Variants in CHKA observed in about 807,000 individuals in gnomAD.
CHKA encodes the protein choline kinase alpha.
CHKA carries 34 observed loss-of-function variants against 60.1 expected under a neutral mutation model. That is an observed-to-expected ratio of 0.57 (90% CI 0.43 to 0.75). The LOEUF (loss-of-function observed/expected upper bound fraction) is 0.75, where lower values mean the gene tolerates loss of function less well. Among genes scored for constraint, CHKA ranks in the 30% least tolerant of loss-of-function variants. CHKA has a pLI of 0.00. For missense variants in CHKA, 563 were observed against 561.3 expected, an observed-to-expected ratio of 1.00 and a Z score of -0.03; for synonymous variants, 217 against 223.1, an observed-to-expected ratio of 0.97 and a Z score of 0.24.
intron 1 of CHKA, among the ~76,000 whole-genome samples, chr11:68,114,091 T>C (rs57311199): frequency 0.034 from 5,221 of 152,056 alleles, 297 homozygotes; most frequent in African/African-American, 0.12. Flanking sequence ...AGTAAGGACA[T>C]AGAATAACAG....
intron 3 of CHKA, 65 bp from the exon 4 acceptor site, chr11:68,074,895 A>T (rs1345617194): frequency 2.0e-6 from 3 of 1,468,920 alleles, no homozygotes; most frequent in Admixed American, 1.8e-5. Flanking sequence ...CATCAGAAGC[A>T]CTCTCACAGG....
intron 3 of CHKA, among the ~76,000 whole-genome samples, chr11:68,076,515 C>T (rs980200244): frequency 6.6e-6 from 1 of 152,086 alleles, no homozygotes; most frequent in African/African-American, 2.4e-5. Flanking sequence ...ACATTATGCT[C>T]CCCTGCTCCC....
intron 1 of CHKA, among the ~76,000 whole-genome samples, chr11:68,115,026 G>A (rs536686369): frequency 1.6e-4 from 24 of 152,270 alleles, no homozygotes; most frequent in African/African-American, 4.1e-4. Flanking sequence ...TATGTATTCG[G>A]AAGAAACCAT....
intron 2 of CHKA, among the ~76,000 whole-genome samples, chr11:68,088,173 T>G (rs1857245394): frequency 6.6e-6 from 1 of 151,620 alleles, no homozygotes; most frequent in South Asian, 2.1e-4. Flanking sequence ...TTCCTCAGTT[T>G]CTAGGATATG....
intron 3 of CHKA, among the ~76,000 whole-genome samples, chr11:68,076,146 G>A (rs1259600878): frequency 3.9e-5 from 6 of 152,236 alleles, no homozygotes; most frequent in South Asian, 2.1e-4. Context: ...CACAATTATC[G>A]TCTACAACCA....
At chr11:68,100,279 A>G (rs1052101067) in intron 1 of CHKA, among the ~76,000 whole-genome samples, 9 of 152,330 alleles carry the variant, frequency 5.9e-5, no homozygotes, top group East Asian at 1.9e-4. Flanking sequence ...TAATAGCTTT[A>G]TAAGTCATAA....
At chr11:68,103,628 C>T (rs1857805048) in intron 1 of CHKA, among the ~76,000 whole-genome samples, 2 of 151,738 alleles carry the variant, frequency 1.3e-5, no homozygotes, top group Admixed American at 1.3e-4. Context: ...AAAAAAAATC[C>T]AGGCTTGGTG....
chr11:68,078,072 A>G (rs928334021), intron 3 of CHKA, among the ~76,000 whole-genome samples: 2 of 152,186 alleles, frequency 1.3e-5, no homozygotes, highest in Non-Finnish European at 2.9e-5. Context: ...AAGAGGAGGA[A>G]CCAGCACAGG....
chr11:68,095,772 T>C (rs1163425930), intron 2 of CHKA, among the ~76,000 whole-genome samples: 3 of 137,530 alleles, frequency 2.2e-5, no homozygotes, highest in African/African-American at 8.2e-5. Context: ...CCAGGCGTGG[T>C]GGCTCACACC....
intron 11 of CHKA, among the ~76,000 whole-genome samples, chr11:68,057,599 G>A (rs957988033): frequency 1.3e-5 from 2 of 152,124 alleles, no homozygotes; most frequent in Non-Finnish European, 2.9e-5. Flanking sequence ...GATTACAGGC[G>A]TGAGCCACCG....
Position 68,066,437 on chromosome 11 carries a change from G to C in CHKA, c.1008C>G (p.Tyr336Ter). 6.2e-7 allele frequency: 1 copy of C among 1,611,472 alleles called. No individual in the cohort carries two copies. The highest frequency in any genetic ancestry group is 1.3e-5 in the African/African-American group (1 of 74,990). ...LMLIDFEYSS[Y>*]NYRGFDIGNH... Reference sequence around the variant, plus strand: ...GGACTGTAACACAGTACCTGTAATTGTAACTGCTGTATTCGAAATCAATGA... The same window carrying C: ...GGACTGTAACACAGTACCTGTAATTCTAACTGCTGTATTCGAAATCAATGA... Residue 336 changes from tyrosine to a stop codon, truncating the protein, a stop_gained, in exon 8 of 12, where the codon TAC becomes TAG. Coordinates refer to ENST00000265689, the MANE Select transcript of CHKA (RefSeq NM_001277.3). LOFTEE classifies it high-confidence loss of function.
chr11:68,067,224 T>A (rs1377644428), intron 7 of CHKA, among the ~76,000 whole-genome samples: 1 of 152,192 alleles, frequency 6.6e-6, no homozygotes, highest in Non-Finnish European at 1.5e-5. Flanking sequence ...TTTCAGCAGC[T>A]CTCTCTCCTT....
chr11:68,058,448 C>G (rs898334927), intron 11 of CHKA, among the ~76,000 whole-genome samples: 4 of 152,204 alleles, frequency 2.6e-5, no homozygotes, highest in African/African-American at 9.7e-5. Context: ...GGCTTCCATC[C>G]ATCAAGGTGG....
chr11:68,069,210 TAGAC>T (rs1280006002), intron 6 of CHKA, among the ~76,000 whole-genome samples: 4 of 152,264 alleles, frequency 2.6e-5, no homozygotes, highest in Admixed American at 1.3e-4. Context: ...AGCACCCCCT[TAGAC>T]AGCCCTTCTC....
At chr11:68,085,596 T>C (rs1311242997) in intron 2 of CHKA, among the ~76,000 whole-genome samples, 4 of 152,174 alleles carry the variant, frequency 2.6e-5, no homozygotes, top group African/African-American at 9.7e-5. Context: ...TTATATTAGC[T>C]ATGGAGTAAA....
At position 68,075,971 on chromosome 11, in the gene CHKA, G is replaced by A. The variant is rs534230394; in HGVS notation, c.517-1141C>T. Among the ~76,000 whole-genome samples, 212 of 152,156 alleles carry A rather than the reference G, an allele frequency of 1.4e-3. 1 individual carries two copies. The highest frequency in any genetic ancestry group is 3.7e-4 in the Non-Finnish European group (25 of 68,036). ...AAACACATTCACGTTACCAAAAACT[G>A]AGAAACCAAGAGGACAAACTTATTA... is the stretch of plus-strand genomic sequence containing the variant. On this transcript the variant is annotated intron_variant, in intron 3 of 11. Coordinates refer to ENST00000265689, the MANE Select transcript of CHKA (RefSeq NM_001277.3).
At chr11:68,075,189 A>C (rs1856748140) in intron 3 of CHKA, among the ~76,000 whole-genome samples, 4 of 152,246 alleles carry the variant, frequency 2.6e-5, no homozygotes, top group East Asian at 3.9e-4. Flanking sequence ...AAAGGCCACA[A>C]CACCATCCAT....
chr11:68,109,085 CCTTT>C, intron 1 of CHKA, among the ~76,000 whole-genome samples: 1 of 148,172 alleles, frequency 6.7e-6, no homozygotes, highest in Admixed American at 6.7e-5. Flanking sequence ...TTTTTCTTTT[CCTTT>C]TTTTTTTTTT....
At chr11:68,086,187 C>A (rs1018899806) in intron 2 of CHKA, among the ~76,000 whole-genome samples, 1 of 152,160 alleles carries the variant, frequency 6.6e-6, no homozygotes, top group African/African-American at 2.4e-5. Context: ...GTGATGTGCG[C>A]CTGTAAGTCT....
Sources: gnomAD v4.1 joint callset for allele counts (sites outside exome capture counted in the v4.1 genomes callset) on GRCh38, gnomAD v4.1.1 for gene constraint, MANE v1.5 for transcripts, NCBI Gene and HGNC (gene_info 2026-07-23, HGNC 2026-07-21) for gene names.